The following SGK1 variants were observed in gnomAD, a reference collection of about 807,000 sequenced individuals.
SGK1 encodes the protein serine/threonine-protein kinase Sgk1.
In SGK1, 26 loss-of-function variants were observed where a neutral mutation model predicts 64.2. The observed-to-expected ratio is 0.40, with a 90% CI of 0.30 to 0.56. SGK1 has a LOEUF of 0.56. Among genes scored for constraint, SGK1 ranks in the 20% least tolerant of loss-of-function variants. The pLI, the probability that SGK1 is intolerant of heterozygous loss-of-function variation, is 0.38. For synonymous variants in SGK1, 265 were observed against 239.7 expected (o/e 1.11, Z -0.98); for missense variants, 519 against 645.6 (o/e 0.80, Z 2.12).
chr6:134,299,874 A>G (rs975773802), intron 1 of SGK1, among the ~76,000 whole-genome samples: 15 of 150,222 alleles, frequency 1.0e-4, no homozygotes, highest in African/African-American at 3.7e-4. Flanking sequence ...TGTTAGCATC[A>G]CCTATACTCA....
chr6:134,280,774 T>C (rs1339753672), intron 1 of SGK1, among the ~76,000 whole-genome samples: 1 of 152,130 alleles, frequency 6.6e-6, no homozygotes, highest in African/African-American at 2.4e-5. Context: ...CTGAATGAAA[T>C]AGCAGATCCA....
At chr6:134,223,738 T>C (rs1279162713) in intron 2 of SGK1, among the ~76,000 whole-genome samples, 1 of 152,254 alleles carries the variant, frequency 6.6e-6, no homozygotes, top group Admixed American at 6.5e-5. Flanking sequence ...CATTAACACT[T>C]TAGCCATAGA....
intron 1 of SGK1, among the ~76,000 whole-genome samples, chr6:134,313,814 G>A (rs1777640372): frequency 1.3e-5 from 2 of 152,122 alleles, no homozygotes; most frequent in Non-Finnish European, 2.9e-5. Context: ...GGATTATCGA[G>A]TTGGAGACAA....
intron 9 of SGK1, 39 bp downstream of exon 9, chr6:134,172,623 T>A (rs764976392): frequency 2.2e-6 from 3 of 1,351,822 alleles, no homozygotes; most frequent in African/African-American, 1.4e-5. Context: ...ACGTCTCCTT[T>A]ATACCAAAAC....
chr6:134,232,417 A>AAGAAAGCGAGAGAGAGAGAG (rs1776296436), intron 2 of SGK1, among the ~76,000 whole-genome samples: 1 of 21,506 alleles, frequency 4.6e-5, no homozygotes, highest in African/African-American at 1.4e-4. Flanking sequence ...AAGAAAGAGA[A>AAGAAAGCGAGAGAGAGAGAG]AGAAAGAAAG....
At chr6:134,179,944 C>T (rs904363956) in intron 3 of SGK1, among the ~76,000 whole-genome samples, 19 of 151,786 alleles carry the variant, frequency 1.3e-4, no homozygotes, top group Non-Finnish European at 4.4e-5. Flanking sequence ...GAATGAGAAG[C>T]TTTTTTTGTT....
chr6:134,219,338 A>T (rs1431696208), intron 2 of SGK1, among the ~76,000 whole-genome samples: 1 of 152,106 alleles, frequency 6.6e-6, no homozygotes, highest in Non-Finnish European at 1.5e-5. Flanking sequence ...GAGTTGACAC[A>T]GAGCCATGTC....
chr6:134,282,267 T>C (rs1777105298), intron 1 of SGK1, among the ~76,000 whole-genome samples: 1 of 152,088 alleles, frequency 6.6e-6, no homozygotes, highest in Non-Finnish European at 1.5e-5. Context: ...ATAGGGGTAT[T>C]GACAAACTAG....
Position 134,169,612 on chromosome 6 carries a change from GCTTT to G in SGK1, c.*652_*655del, listed in dbSNP as rs1435896282. 3 of 152,574 alleles carry G rather than the reference GCTTT, an allele frequency of 2.0e-5. No homozygotes were observed. The highest frequency in any genetic ancestry group is 2.9e-5 in the Non-Finnish European group (2 of 68,030). The allele number at this position is 152,574 out of a possible 1,614,324, so 9.5% of individuals were successfully genotyped here. A position where few individuals can be genotyped will look rare whatever the true frequency, so the allele number is the denominator to read the frequency against. ...AAATAGAAATATTTGTAGCAGCAAT[GCTTT>G]CTTTAAGCATCTGAATACGAGTCAT... On this transcript the variant is annotated 3_prime_UTR_variant, in exon 14 of 14. Coordinates refer to ENST00000367858, the MANE Select transcript of SGK1 (RefSeq NM_001143676.3).
chr6:134,220,058 C>CAAAAAAAAAAAAAAAAAAAAAAAAA (rs55870107), intron 2 of SGK1, among the ~76,000 whole-genome samples: 3 of 61,380 alleles, frequency 4.9e-5, no homozygotes, highest in African/African-American at 2.2e-4. Context: ...GACTCCGTCT[C>CAAAAAAAAAAAAAAAAAAAAAAAAA]AAAAAAAAAA....
At chr6:134,170,508 C>A in intron 13 of SGK1, 73 bp from the exon 14 acceptor site, 1 of 1,388,478 alleles carries the variant, frequency 7.2e-7, no homozygotes, top group Non-Finnish European at 9.9e-7. Context: ...CTTGACCAGG[C>A]TTTAAATACC....
At chr6:134,174,787 A>C (rs1161767160) in intron 3 of SGK1, 1 of 1,614,056 alleles carries the variant, frequency 6.2e-7, no homozygotes, top group Non-Finnish European at 8.5e-7. Flanking sequence ...TGCCCTTAGC[A>C]GCCTCAGTTT....
rs577108169 is a variant in SGK1 at position 134,239,978 on chromosome 6, G to A, written c.285+21955C>T. ...AGGGATGGGAAGCGAGGACATCAGG[G>A]CACAGAAAGCCCTAGTCAGGAGGGA... On this transcript the variant is annotated intron_variant, in intron 2 of 13. Transcript: ENST00000367858. 5.6e-4 allele frequency among the ~76,000 whole-genome samples: 85 copies of A among 152,194 alleles called. No homozygotes were observed. In the Middle Eastern group the frequency reaches 0.01, roughly 18 times the overall value.
intron 2 of SGK1, among the ~76,000 whole-genome samples, chr6:134,222,819 A>G (rs9493863): frequency 0.056 from 8,489 of 152,264 alleles, 833 homozygotes; most frequent in African/African-American, 0.19. Context: ...CATCAAAAGC[A>G]TATTTCTTTC....
chr6:134,225,293 G>T (rs1402403538), intron 2 of SGK1, among the ~76,000 whole-genome samples: 4 of 149,906 alleles, frequency 2.7e-5, no homozygotes, highest in Non-Finnish European at 5.9e-5. Context: ...AAAGGCTGCA[G>T]TGAGCTGAGA....
rs1777387894 is a variant in SGK1, at chr6:134,297,974, G to A, written c.69+19418C>T. The A allele has an allele frequency of 4.9e-6, 4 of 815,032 alleles. No homozygotes were observed. In the African/African-American group the frequency reaches 5.0e-5, roughly 10 times the overall value. The allele number at this position is 815,032 out of a possible 1,614,324, so 50.5% of individuals were successfully genotyped here. Reference sequence around the variant, plus strand: ...TGCCGTCCATGTCCGGGGAGCGGCTGTTGTCCATGGACAGCATCACAGACG... The same window carrying A: ...TGCCGTCCATGTCCGGGGAGCGGCTATTGTCCATGGACAGCATCACAGACG... On this transcript the variant is annotated intron_variant, in intron 1 of 13. Transcript: ENST00000367858.
chr6:134,214,993 G>A (rs1775953884), intron 2 of SGK1: 1 of 442,254 alleles, frequency 2.3e-6, no homozygotes, highest in Non-Finnish European at 4.5e-6. Context: ...TTGACATCTA[G>A]AAGTATTGTC....
intron 3 of SGK1, among the ~76,000 whole-genome samples, chr6:134,202,572 C>T (rs1316763883): frequency 3.3e-5 from 5 of 151,982 alleles, no homozygotes; most frequent in African/African-American, 9.7e-5. Flanking sequence ...TGCTTATACC[C>T]GGGAGGTGGA....
At chr6:134,177,410 C>G (rs1162666740) in intron 3 of SGK1, among the ~76,000 whole-genome samples, 1 of 152,212 alleles carries the variant, frequency 6.6e-6, no homozygotes, top group African/African-American at 2.4e-5. Flanking sequence ...TCATGTCCCA[C>G]CATTCAACTA....
Sources: allele counts gnomAD v4.1 joint callset (sites outside exome capture counted in the v4.1 genomes callset), GRCh38; gene constraint gnomAD v4.1.1; transcripts MANE v1.5; gene names NCBI Gene and HGNC (gene_info 2026-07-23, HGNC 2026-07-21).